The following ERI1 variants were observed in gnomAD, a reference collection of about 807,000 sequenced individuals.
ERI1 encodes 3'-5' exoribonuclease 1.
A neutral mutation model predicts 39.7 loss-of-function variants in ERI1; 39 were observed. That is an observed-to-expected ratio of 0.98 (90% CI 0.76 to 1.28). The LOEUF is 1.28. Among genes scored for constraint, ERI1 ranks in the 50% most tolerant of loss-of-function variants. The probability of loss-of-function intolerance (pLI) is 0.00; values close to 1 mark genes in which losing one functional copy is unlikely to be tolerated. For missense variants in ERI1, 581 were observed against 416.9 expected (o/e 1.39, Z -3.43); for synonymous variants, 204 against 149.6 (o/e 1.36, Z -2.65).
chr8:9,015,691 C>T (rs1260146103), intron 3 of ERI1, among the ~76,000 whole-genome samples: 4 of 121,570 alleles, frequency 3.3e-5, no homozygotes, highest in Non-Finnish European at 3.2e-5. Context: ...CAGTGCACTC[C>T]AGCCTGGGAG....
intron 3 of ERI1, among the ~76,000 whole-genome samples, chr8:9,069,563 C>G (rs1427725408): frequency 6.6e-6 from 1 of 152,086 alleles, no homozygotes; most frequent in Non-Finnish European, 1.5e-5. Flanking sequence ...AGAATGATTT[C>G]TTTTGCTCAA....
At chr8:9,090,312 G>A (rs1385273416) in intron 3 of ERI1, among the ~76,000 whole-genome samples, 1 of 152,146 alleles carries the variant, frequency 6.6e-6, no homozygotes, top group Non-Finnish European at 1.5e-5. Context: ...GGACACCTTG[G>A]TGCCAACTTG....
At chr8:9,036,100 A>G (rs1797836608), downstream of ERI1, among the ~76,000 whole-genome samples, 1 of 152,216 alleles carries the variant, frequency 6.6e-6, no homozygotes, top group Admixed American at 6.5e-5. Context: ...TTGAGATGGA[A>G]TCTATTCCTG....
At chr8:9,036,951 C>T (rs1797865451), downstream of ERI1, among the ~76,000 whole-genome samples, 1 of 152,168 alleles carries the variant, frequency 6.6e-6, no homozygotes. Context: ...CTCATAGTCC[C>T]TCCCTCCCCC....
chr8:9,040,651 A>G (rs559294959), intron 3 of ERI1, among the ~76,000 whole-genome samples: 19 of 151,030 alleles, frequency 1.3e-4, no homozygotes, highest in Non-Finnish European at 2.5e-4. Flanking sequence ...CCACATGAAG[A>G]CCTCTGGTCC....
Position 9,030,081 on chromosome 8 carries a change from G to C in ERI1, c.*47G>C. 4 of 1,601,798 alleles carry C rather than the reference G, an allele frequency of 2.5e-6. No homozygotes were observed. Among genetic ancestry groups the C allele is most frequent in the Non-Finnish European group, 3.4e-6 (4 of 1,170,996 alleles). ...ATTCCAATTGAAGTTGCTATGAAGA[G>C]GTAGCAGATGAATCTCATTGAATTA... On this transcript the variant is annotated 3_prime_UTR_variant, in exon 7 of 7. Coordinates refer to ENST00000250263, the MANE Select transcript of ERI1 (RefSeq NM_153332.4).
chr8:9,018,590 C>T (rs886760619), intron 5 of ERI1, among the ~76,000 whole-genome samples, 184 bp downstream of exon 5: 23 of 152,118 alleles, frequency 1.5e-4, no homozygotes, highest in African/African-American at 4.8e-4. Flanking sequence ...GGTCACAGTC[C>T]AATACAGGAC....
At chr8:9,047,437 A>T (rs1798208821) in intron 3 of ERI1, among the ~76,000 whole-genome samples, 1 of 152,152 alleles carries the variant, frequency 6.6e-6, no homozygotes. Context: ...GGAGATGGGA[A>T]ATGGGCTGCA....
At chr8:9,085,146 C>G (rs1056141409) in intron 3 of ERI1, among the ~76,000 whole-genome samples, 2 of 152,148 alleles carry the variant, frequency 1.3e-5, no homozygotes, top group Non-Finnish European at 2.9e-5. Flanking sequence ...CAAATTCCAG[C>G]CTGAGGGCTA....
intron 3 of ERI1, among the ~76,000 whole-genome samples, chr8:9,063,162 A>G (rs1798760615): frequency 6.6e-6 from 1 of 152,212 alleles, no homozygotes; most frequent in South Asian, 2.1e-4. Flanking sequence ...AGATTGGGTA[A>G]TAAAATAAAT....
rs995273855 is a variant in ERI1, at chr8:9,032,378, A to T, written c.*2344A>T. ...ACATTGACATAGTGGATTTCTGCTG[A>T]TTTTTTTCAAATCCGCAATCTTTAT... On this transcript the variant is annotated 3_prime_UTR_variant, in exon 7 of 7. Transcript: ENST00000250263. 1.3e-5 allele frequency: 2 copies of T among 152,092 alleles called. No individual in the cohort carries two copies. Among genetic ancestry groups the T allele is most frequent in the African/African-American group, 4.8e-5 (2 of 41,418 alleles). The allele number at this position is 152,092 out of a possible 1,614,324, so 9.4% of individuals were successfully genotyped here.
At chr8:9,047,810 T>G (rs1052901829) in intron 3 of ERI1, among the ~76,000 whole-genome samples, 1 of 152,226 alleles carries the variant, frequency 6.6e-6, no homozygotes, top group Admixed American at 6.5e-5. Context: ...ATCATTTTGT[T>G]TGAAGAAGGG....
At chr8:9,015,619 G>A (rs960689419) in intron 3 of ERI1, among the ~76,000 whole-genome samples, 1 of 151,226 alleles carries the variant, frequency 6.6e-6, no homozygotes, top group East Asian at 1.9e-4. Flanking sequence ...CTAGTTGGGA[G>A]GCTGAGGCAG....
At chr8:9,082,350 A>T (rs904433257) in intron 3 of ERI1, among the ~76,000 whole-genome samples, 3 of 152,214 alleles carry the variant, frequency 2.0e-5, no homozygotes, top group Non-Finnish European at 2.9e-5. Flanking sequence ...CATGCTAATG[A>T]GTTGCCAAGT....
intron 3 of ERI1, among the ~76,000 whole-genome samples, chr8:9,098,916 C>A (rs1217071949): frequency 6.6e-6 from 1 of 152,126 alleles, no homozygotes; most frequent in Non-Finnish European, 1.5e-5. Context: ...TCACTGCAAC[C>A]TCTGCCTCCC....
rs1454156782 is a variant in ERI1, at chr8:9,032,444, T to C, written c.*2410T>C. 1 of 152,240 alleles carries C rather than the reference T, an allele frequency of 6.6e-6. No homozygotes were observed. Among genetic ancestry groups the C allele is most frequent in the Non-Finnish European group, 1.5e-5 (1 of 68,046 alleles). The allele number at this position is 152,240 out of a possible 1,614,324, so 9.4% of individuals were successfully genotyped here. A position where few individuals can be genotyped will look rare whatever the true frequency, so the allele number is the denominator to read the frequency against. On this transcript the variant is annotated 3_prime_UTR_variant, in exon 7 of 7. Transcript: ENST00000250263. Reference sequence around the variant, plus strand: ...ATAATAGAGCATTACATTTTATCTTTATTTGTGTTCTGTTGGATCAAGTAT... The same window carrying C: ...ATAATAGAGCATTACATTTTATCTTCATTTGTGTTCTGTTGGATCAAGTAT...
chr8:9,003,969 G>T (rs1283517235), intron 1 of ERI1: 4 of 646,074 alleles, frequency 6.2e-6, no homozygotes, highest in Non-Finnish European at 9.9e-6. Context: ...ACATGAATTT[G>T]GCTTATTCCC....
At chr8:9,087,046 A>G (rs1447801651) in intron 3 of ERI1, among the ~76,000 whole-genome samples, 1 of 151,006 alleles carries the variant, frequency 6.6e-6, no homozygotes, top group East Asian at 1.9e-4. Context: ...AGTTTTTTGA[A>G]TTTTACTTTA....
chr8:9,057,236 C>A (rs1018444477), intron 3 of ERI1, among the ~76,000 whole-genome samples: 1 of 152,152 alleles, frequency 6.6e-6, no homozygotes, highest in African/African-American at 2.4e-5. Context: ...CCTTGACCTC[C>A]TGGGTTCAAG....
Sources: gnomAD v4.1 joint callset for allele counts (sites outside exome capture counted in the v4.1 genomes callset) on GRCh38, gnomAD v4.1.1 for gene constraint, MANE v1.5 for transcripts, NCBI Gene and HGNC (gene_info 2026-07-23, HGNC 2026-07-21) for gene names.